Variants in ACTN1 observed in about 807,000 individuals in gnomAD.
ACTN1 encodes the protein actinin alpha 1.
Under a neutral mutation model 119.6 loss-of-function variants are expected in ACTN1, and 30 were observed. The ratio of observed to expected loss-of-function variants is 0.25; its 90% CI spans 0.19 to 0.34. The LOEUF (loss-of-function observed/expected upper bound fraction) is 0.34. Among genes scored for constraint, ACTN1 ranks in the 10% least tolerant of loss-of-function variants. ACTN1 has a pLI of 1.00. For missense variants in ACTN1, 764 were observed against 1,223.4 expected (o/e 0.62, Z 5.60); for synonymous variants, 429 against 472.6 (o/e 0.91, Z 1.20).
Position 68,954,210 on chromosome 14 carries a change from A to C in ACTN1, c.105+24742T>G, listed in dbSNP as rs2036272049. Among the ~76,000 whole-genome samples the C allele has an allele frequency of 7.2e-5, 11 of 152,302 alleles. No homozygotes were observed. In the South Asian group the frequency reaches 2.3e-3, roughly 32 times the overall value. ...CATTTTTAAAGGCTGCAAAAATACT[A>C]CACCACCATGATGTATCAGGATGGA... On this transcript the variant is annotated intron_variant, in intron 1 of 21. Coordinates refer to ENST00000394419, the MANE Select transcript of ACTN1 (RefSeq NM_001130004.2).
At chr14:68,920,985 G>T in intron 3 of ACTN1, 21 bp downstream of exon 3, 1 of 1,613,018 alleles carries the variant, frequency 6.2e-7, no homozygotes, top group East Asian at 2.2e-5. Context: ...GCTCCTTGGG[G>T]CCACCAGAGG....
chr14:68,921,833 G>A (rs1183064131), intron 2 of ACTN1, among the ~76,000 whole-genome samples: 2 of 152,058 alleles, frequency 1.3e-5, no homozygotes, highest in African/African-American at 4.8e-5. Context: ...GCCTCCTGTG[G>A]GCACCCAGGG....
In ACTN1 at chr14:68,878,847, C is replaced by T. The variant is rs1326197390; in HGVS notation, c.2361+142G>A. On this transcript the variant is annotated intron_variant, in intron 19 of 21. Transcript: ENST00000394419. The surrounding 1 kb of genome is among the most constrained non-coding windows in gnomAD (Gnocchi z 4.4). The stretch of plus-strand genomic sequence containing the variant: ...GAGGGTGGACCAGTGATGGGGCAGA[C>T]AGAGACAGCAGGAGAGGACGAGCCC... The T allele has an allele frequency of 1.9e-6, 3 of 1,595,300 alleles. No individual in the cohort carries two copies. Among genetic ancestry groups the T allele is most frequent in the East Asian group, 2.2e-5 (1 of 44,688 alleles).
At position 68,878,176 on chromosome 14, in the gene ACTN1, C is replaced by T. The variant is rs530806279; in HGVS notation, c.2427+282G>A. The T allele has an allele frequency of 1.7e-5, 6 of 359,040 alleles. No homozygotes were observed. Among genetic ancestry groups the T allele is most frequent in the Non-Finnish European group, 2.5e-5 (5 of 199,372 alleles). The allele number at this position is 359,040 out of a possible 1,614,324, so 22.2% of individuals were successfully genotyped here. A position where few individuals can be genotyped will look rare whatever the true frequency, so the allele number is the denominator to read the frequency against. On this transcript the variant is annotated intron_variant, in intron 20 of 21. Transcript: ENST00000394419. This position sits in a 1 kb window ranked among gnomAD's most constrained non-coding sequence, Gnocchi z 4.4. ...CCACACCACCAGTCCTTCCTGCCAG[C>T]CTCAGGGTCAGCCCAGCTGTCCACA... is the stretch of plus-strand genomic sequence containing the variant.
At chr14:68,931,114 A>T (rs997177928) in intron 1 of ACTN1, among the ~76,000 whole-genome samples, 1 of 152,220 alleles carries the variant, frequency 6.6e-6, no homozygotes, top group African/African-American at 2.4e-5. Flanking sequence ...GGGTGCTGGA[A>T]GGGAACAGCA....
At chr14:68,919,302 C>A (rs761341131) in intron 3 of ACTN1, among the ~76,000 whole-genome samples, 12 of 152,166 alleles carry the variant, frequency 7.9e-5, no homozygotes, top group Non-Finnish European at 1.8e-4. Context: ...CCTACCCACC[C>A]CTGCCACTGA....
intron 1 of ACTN1, among the ~76,000 whole-genome samples, chr14:68,960,059 A>G (rs938448686): frequency 6.6e-6 from 1 of 152,264 alleles, no homozygotes; most frequent in African/African-American, 2.4e-5. Context: ...TTTGCTATTC[A>G]GTAAGTGGAA....
intron 1 of ACTN1, among the ~76,000 whole-genome samples, chr14:68,940,403 C>CAGT (rs2035725976): frequency 6.6e-6 from 1 of 152,134 alleles, no homozygotes; most frequent in Non-Finnish European, 1.5e-5. Flanking sequence ...CTTGACCCCT[C>CAGT]CATGTAGTTG....
At chr14:68,931,407 C>A (rs923189653) in intron 1 of ACTN1, among the ~76,000 whole-genome samples, 1 of 152,106 alleles carries the variant, frequency 6.6e-6, no homozygotes, top group East Asian at 1.9e-4. Context: ...ACCAGACAGC[C>A]CTTTGAGGGG....
At chr14:68,897,786 C>T (rs963006993) in intron 8 of ACTN1, among the ~76,000 whole-genome samples, 4 of 152,242 alleles carry the variant, frequency 2.6e-5, no homozygotes, top group Admixed American at 6.5e-5. Context: ...GATCTCAGAC[C>T]AGGCATCCGA....
chr14:68,960,429 A>G (rs1236961960), intron 1 of ACTN1, among the ~76,000 whole-genome samples: 6 of 152,234 alleles, frequency 3.9e-5, no homozygotes, highest in Admixed American at 3.9e-4. Context: ...ATCATGTCAC[A>G]GTGTACATGT....
rs1474621313 is a variant in ACTN1, at chr14:68,882,102, A to C, written c.1953+356T>G. On this transcript the variant is annotated intron_variant, in intron 16 of 21. Transcript: ENST00000394419. The surrounding 1 kb of genome is among the most constrained non-coding windows in gnomAD (Gnocchi z 4.5). ...AGGCACGCATCATCACACCCGGCTGATTTTTGTATTTTTAGTAGAGACGGG... is the reference window on the plus strand; with the variant it reads ...AGGCACGCATCATCACACCCGGCTGCTTTTTGTATTTTTAGTAGAGACGGG... Among the ~76,000 whole-genome samples the C allele has an allele frequency of 6.6e-6, 1 of 151,526 alleles. No homozygotes were observed. Among genetic ancestry groups the C allele is most frequent in the African/African-American group, 2.4e-5 (1 of 41,202 alleles).
rs2030649332 is a variant in ACTN1 at position 68,874,794 on chromosome 14, T to C, written c.*65A>G. Reference sequence around the variant, plus strand: ...GCTGAAACCGAACCCAGGCAGGAGATGGGCGACGGCGGAGGTGCAAGGCAG... The same window carrying C: ...GCTGAAACCGAACCCAGGCAGGAGACGGGCGACGGCGGAGGTGCAAGGCAG... On this transcript the variant is annotated 3_prime_UTR_variant, in exon 22 of 22. Coordinates refer to ENST00000394419, the MANE Select transcript of ACTN1 (RefSeq NM_001130004.2). 2 of 1,426,012 alleles carry C rather than the reference T, an allele frequency of 1.4e-6. No homozygotes were observed. The highest frequency in any genetic ancestry group is 1.8e-6 in the Non-Finnish European group (2 of 1,083,410). The allele number at this position is 1,426,012 out of a possible 1,614,324, so 88.3% of individuals were successfully genotyped here.
intron 1 of ACTN1, among the ~76,000 whole-genome samples, chr14:68,933,290 T>C (rs10220358): frequency 0.13 from 20,470 of 151,962 alleles, 2,058 homozygotes; most frequent in African/African-American, 0.28. Flanking sequence ...AGCACCACCA[T>C]ACCTGGGTAA....
At chr14:68,913,679 T>C (rs1398603058) in intron 3 of ACTN1, among the ~76,000 whole-genome samples, 2 of 152,142 alleles carry the variant, frequency 1.3e-5, no homozygotes, top group African/African-American at 4.8e-5. Context: ...TGAGTCTGCA[T>C]GGGATGCTGA....
intron 1 of ACTN1, among the ~76,000 whole-genome samples, chr14:68,952,444 C>G (rs2036199842): frequency 6.6e-6 from 1 of 152,240 alleles, no homozygotes; most frequent in African/African-American, 2.4e-5. Context: ...AAGCAAACAT[C>G]TGGCTTTAAC....
At chr14:68,974,032 T>C (rs2140701132) in intron 1 of ACTN1, 1 of 151,996 alleles carries the variant, frequency 6.6e-6, no homozygotes, top group East Asian at 1.9e-4. Context: ...TACCAACATC[T>C]CTCTATGCAC....
At chr14:68,896,407 C>T (rs142302072) in intron 8 of ACTN1, among the ~76,000 whole-genome samples, 36 of 152,226 alleles carry the variant, frequency 2.4e-4, no homozygotes, top group African/African-American at 8.7e-4. Flanking sequence ...CTGGGAAGGC[C>T]AGGCTTAGGC....
chr14:68,973,506 C>T (rs187727137), intron 1 of ACTN1, among the ~76,000 whole-genome samples: 32 of 152,322 alleles, frequency 2.1e-4, no homozygotes, highest in Non-Finnish European at 3.7e-4. Flanking sequence ...TTTTAAGTTT[C>T]CTGAGGCCTC....
Sources: allele counts gnomAD v4.1 joint callset (sites outside exome capture counted in the v4.1 genomes callset), GRCh38; gene constraint gnomAD v4.1.1; non-coding constraint Gnocchi (gnomAD v3.1); transcripts MANE v1.5; gene names NCBI Gene and HGNC (gene_info 2026-07-23, HGNC 2026-07-21).